PLCL2: variants seen among roughly 807,000 people sequenced by gnomAD.
The protein encoded by PLCL2 is phospholipase C like 2.
PLCL2 carries 4 observed loss-of-function variants against 79.6 expected under a neutral mutation model. The ratio of observed to expected loss-of-function variants is 0.05; its 90% CI spans 0.02 to 0.11. PLCL2 has a LOEUF of 0.11. Ranked by LOEUF, PLCL2 falls within the 10% of genes least tolerant of loss-of-function variation. The probability of loss-of-function intolerance (pLI) is 1.00; values close to 1 mark genes in which losing one functional copy is unlikely to be tolerated. For missense variants in PLCL2, 895 were observed against 1,291.0 expected, an observed-to-expected ratio of 0.69 and a Z score of 4.70; for synonymous variants, 484 against 457.7, an observed-to-expected ratio of 1.06 and a Z score of -0.73.
At chr3:16,891,577 C>T (rs1234178858) in intron 1 of PLCL2, among the ~76,000 whole-genome samples, 1 of 152,084 alleles carries the variant, frequency 6.6e-6, no homozygotes, top group Non-Finnish European at 1.5e-5. Context: ...GTAAATAGCC[C>T]CAACTATGGG....
chr3:17,011,674 T>G lies in PLCL2; in HGVS notation c.2328T>G (p.Gly776=). The change falls in exon 2 of 6, where the codon GGT becomes GGG. Residue 776 remains glycine, a synonymous_variant. Transcript: ENST00000615277. The surrounding 1 kb of genome is among the most constrained non-coding windows in gnomAD (Gnocchi z 7.9). ...AGCCCAAAGGATCAGGTGCCAAAGG[T>G]GATGTGGTAGATCCTTATGTCTATG... ...FPKPKGSGAK[G]DVVDPYVYVE... 6.2e-7 allele frequency: 1 copy of G among 1,614,032 alleles called. No homozygotes were observed.
At chr3:17,053,089 G>A (rs1170267138) in intron 4 of PLCL2, among the ~76,000 whole-genome samples, 1 of 152,106 alleles carries the variant, frequency 6.6e-6, no homozygotes, top group Admixed American at 6.5e-5. Flanking sequence ...ATAACTTTTT[G>A]TTTTGTATTA....
intron 1 of PLCL2, among the ~76,000 whole-genome samples, chr3:16,988,970 A>G (rs1457971996): frequency 2.6e-5 from 4 of 152,110 alleles, no homozygotes; most frequent in African/African-American, 7.2e-5. Context: ...TATTTGGTCA[A>G]TTATTATAGA....
chr3:16,885,425 C>A (rs939597867), intron 1 of PLCL2, 59 bp downstream of exon 1: 1 of 546,744 alleles, frequency 1.8e-6, no homozygotes, highest in Non-Finnish European at 3.3e-6. Flanking sequence ...TCTATTTTCT[C>A]CCTGGGGGAG....
rs758029900 is a variant in PLCL2, at chr3:16,918,266, AATAG to A, written c.327+32905_327+32908del. On this transcript the variant is annotated intron_variant, in intron 1 of 5. Transcript: ENST00000615277. The stretch of plus-strand genomic sequence containing the variant: ...GACAAAAGGAGAGAGATGTTAAAAC[AATAG>A]ATAGTTTTTGTGCTTTATATGAAAA... Among the ~76,000 whole-genome samples, 143 of 152,320 alleles carry A rather than the reference AATAG, an allele frequency of 9.4e-4. 1 individual carries two copies. The highest frequency in any genetic ancestry group is 1.0e-3 in the Non-Finnish European group (69 of 68,016).
rs556366630 is a variant in PLCL2 at position 17,062,041 on chromosome 3, C to T, written c.3095-5915C>T. 6.6e-5 allele frequency among the ~76,000 whole-genome samples: 10 copies of T among 152,234 alleles called. No individual in the cohort carries two copies. The South Asian group carries it at 1.9e-3, about 28-fold the overall frequency. On this transcript the variant is annotated intron_variant, in intron 4 of 5. Coordinates refer to ENST00000615277, the MANE Select transcript of PLCL2 (RefSeq NM_001144382.2). ...AGAAGAAAAATAACCCACTGCTTTT[C>T]CCTAGGAACAGAAACTTGGGGTCAT...
chr3:17,009,326 T>C lies in PLCL2; in HGVS notation c.328-348T>C, dbSNP rs2064295746. Among the ~76,000 whole-genome samples the C allele has an allele frequency of 6.6e-6, 1 of 152,042 alleles. No individual in the cohort carries two copies. Among genetic ancestry groups the C allele is most frequent in the Non-Finnish European group, 1.5e-5 (1 of 68,004 alleles). On this transcript the variant is annotated intron_variant, in intron 1 of 5. Coordinates refer to ENST00000615277, the MANE Select transcript of PLCL2 (RefSeq NM_001144382.2). The surrounding 1 kb of genome is among the most constrained non-coding windows in gnomAD (Gnocchi z 4.0). ...TTGTAGAGATGGGATCTCACTGTAT[T>C]ACCCAGGTTGGTCTCAAACTCCTCA...
At position 17,089,878 on chromosome 3, in the gene PLCL2, T is replaced by A; in HGVS notation, c.3350T>A (p.Ile1117Lys). 6.2e-7 allele frequency: 1 copy of A among 1,613,244 alleles called. No individual in the cohort carries two copies. Among genetic ancestry groups the A allele is most frequent in the Non-Finnish European group, 8.5e-7 (1 of 1,179,766 alleles). ...VQKPRRSLEVIPEKANDETGE is the reference protein window; with the variant it reads ...VQKPRRSLEVKPEKANDETGE Reference sequence around the variant, plus strand: ...AAGCCACGCCGGAGCTTGGAAGTCATACCCGAAAAAGCAAACGATGAAACT... The same window carrying A: ...AAGCCACGCCGGAGCTTGGAAGTCAAACCCGAAAAAGCAAACGATGAAACT... Residue 1117 changes from isoleucine to lysine, a missense_variant, in exon 6 of 6, where the codon ATA becomes AAA. By Grantham distance (102) the Ile-to-Lys change is moderately radical (BLOSUM62 -3). Coordinates refer to ENST00000615277, the MANE Select transcript of PLCL2 (RefSeq NM_001144382.2).
At chr3:16,974,731 A>G (rs2063906770) in intron 1 of PLCL2, among the ~76,000 whole-genome samples, 1 of 152,164 alleles carries the variant, frequency 6.6e-6, no homozygotes, top group African/African-American at 2.4e-5. Context: ...TAGGATCATG[A>G]TTATCTTTCT....
intron 1 of PLCL2, among the ~76,000 whole-genome samples, chr3:16,962,285 A>G (rs532258158): frequency 5.9e-5 from 9 of 152,314 alleles, no homozygotes; most frequent in Admixed American, 5.9e-4. Flanking sequence ...TAGCAGAGAT[A>G]TACTGATAAC....
intron 1 of PLCL2, among the ~76,000 whole-genome samples, chr3:16,907,452 T>C (rs184706226): frequency 7.2e-4 from 110 of 152,298 alleles, no homozygotes; most frequent in African/African-American, 2.5e-3. Context: ...ACACATTTTA[T>C]TAGTCAGATG....
At chr3:17,086,682 C>G (rs775003852) in intron 5 of PLCL2, among the ~76,000 whole-genome samples, 2 of 152,156 alleles carry the variant, frequency 1.3e-5, no homozygotes, top group African/African-American at 2.4e-5. Flanking sequence ...AAAGGACACA[C>G]CTGATAAAGT....
intron 3 of PLCL2, among the ~76,000 whole-genome samples, chr3:17,039,357 G>C (rs756103461): frequency 2.0e-5 from 3 of 152,208 alleles, no homozygotes; most frequent in Non-Finnish European, 2.9e-5. Flanking sequence ...CTCTAAGCCT[G>C]CTGGACTCTT....
intron 1 of PLCL2, among the ~76,000 whole-genome samples, chr3:16,964,318 G>C (rs1409615639): frequency 6.6e-6 from 1 of 151,960 alleles, no homozygotes; most frequent in African/African-American, 2.4e-5. Flanking sequence ...ATGGTTTCCA[G>C]CTTCATCCAT....
At chr3:16,943,156 G>A (rs2063567618) in intron 1 of PLCL2, among the ~76,000 whole-genome samples, 1 of 152,172 alleles carries the variant, frequency 6.6e-6, no homozygotes, top group African/African-American at 2.4e-5. Flanking sequence ...TGACATAAAT[G>A]ACAGTCTTGA....
intron 1 of PLCL2, among the ~76,000 whole-genome samples, chr3:16,892,181 T>G (rs1696367026): frequency 6.6e-6 from 1 of 152,256 alleles, no homozygotes; most frequent in Non-Finnish European, 1.5e-5. Flanking sequence ...AATATAAAAC[T>G]CAGTGGGATG....
At chr3:16,980,750 C>T (rs71627166) in intron 1 of PLCL2, among the ~76,000 whole-genome samples, 18,031 of 152,192 alleles carry the variant, frequency 0.12, 1,547 homozygotes, top group Non-Finnish European at 0.17. Flanking sequence ...CGGGCAGAGG[C>T]TGCAATCTCG....
rs958217597 is a variant in PLCL2, at chr3:17,068,473, T to C, written c.3204+408T>C. Among the ~76,000 whole-genome samples, 4 of 152,204 alleles carry C rather than the reference T, an allele frequency of 2.6e-5. No individual in the cohort carries two copies. The South Asian group carries it at 6.2e-4, about 24-fold the overall frequency. On this transcript the variant is annotated intron_variant, in intron 5 of 5. Coordinates refer to ENST00000615277, the MANE Select transcript of PLCL2 (RefSeq NM_001144382.2). ...AGTGTAATTATGGCTATAATGTTCA[T>C]ATGATCCCAGAAATAAATAGAAAAG...
In PLCL2 at chr3:16,906,856, A is replaced by C. The variant is rs540801045; in HGVS notation, c.327+21490A>C. ...TGGCCAGGAAAAACATGCTAAAAAT[A>C]GAAACTGTTTGTTTACTCTGTGCTC... is the stretch of plus-strand genomic sequence containing the variant. On this transcript the variant is annotated intron_variant, in intron 1 of 5. Transcript: ENST00000615277. Among the ~76,000 whole-genome samples, 6 of 152,358 alleles carry C rather than the reference A, an allele frequency of 3.9e-5. No individual in the cohort carries two copies. The East Asian group carries it at 7.7e-4, about 20-fold the overall frequency.
Sources: gnomAD v4.1 joint callset for allele counts (sites outside exome capture counted in the v4.1 genomes callset) on GRCh38, gnomAD v4.1.1 for gene constraint, Gnocchi (gnomAD v3.1) non-coding constraint, MANE v1.5 for transcripts, NCBI Gene and HGNC (gene_info 2026-07-23, HGNC 2026-07-21) for gene names.